The following DHX36 variants were observed in gnomAD, a reference collection of about 807,000 sequenced individuals.
DHX36 encodes ATP-dependent DNA/RNA helicase DHX36.
DHX36 carries 50 observed loss-of-function variants against 139.0 expected under a neutral mutation model. The observed-to-expected ratio is 0.36, with a 90% CI of 0.29 to 0.46. DHX36 has a LOEUF of 0.46. Ranked by LOEUF, DHX36 falls within the 20% of genes least tolerant of loss-of-function variation. The pLI is 1.00. For missense variants in DHX36, 1,024 were observed against 1,211.3 expected (o/e 0.85, Z 2.29); for synonymous variants, 425 against 401.9 (o/e 1.06, Z -0.69).
intron 19 of DHX36, among the ~76,000 whole-genome samples, chr3:154,283,742 A>G (rs966115606): frequency 6.6e-6 from 1 of 152,162 alleles, no homozygotes; most frequent in South Asian, 2.1e-4. Flanking sequence ...GTCACATGAA[A>G]CAGAATGTAG....
At chr3:154,319,598 CAT>C (rs1463181815) in intron 1 of DHX36, among the ~76,000 whole-genome samples, 1 of 152,188 alleles carries the variant, frequency 6.6e-6, no homozygotes, top group Non-Finnish European at 1.5e-5. Flanking sequence ...CAGTTCCTTT[CAT>C]GTCCTCAGGG....
At position 154,299,875 on chromosome 3, in the gene DHX36, T is replaced by C. The variant is rs1428093773; in HGVS notation, c.1512A>G (p.Leu504=). The C allele has an allele frequency of 6.2e-7, 1 of 1,613,608 alleles. No individual in the cohort carries two copies. The highest frequency in any genetic ancestry group is 8.5e-7 in the Non-Finnish European group (1 of 1,179,676). ...TTACTTGTGACATCAAGAGATCATG[T>C]AAAGTGCTGATATTGTCCCAGCCTG... is the stretch of plus-strand genomic sequence containing the variant. ...FLPGWDNIST[L]HDLLMSQVMF... The change falls in exon 12 of 25, where the codon TTA becomes TTG. Residue 504 remains leucine (L), a synonymous_variant. Transcript: ENST00000496811.
chr3:154,303,436 A>T, intron 8 of DHX36, 26 bp from the exon 9 acceptor site: 1 of 1,497,796 alleles, frequency 6.7e-7, no homozygotes, highest in Admixed American at 1.9e-5. Context: ...AAATATAAGC[A>T]TAAATTTGTA....
Position 154,316,031 on chromosome 3 carries a change from T to C in DHX36, c.368+8A>G. Reference sequence around the variant, plus strand: ...GCCTATTCTTTAAAAAAATATTTCTTGTCGTACCCATGATCCTCAGGAGCA... The same window carrying C: ...GCCTATTCTTTAAAAAAATATTTCTCGTCGTACCCATGATCCTCAGGAGCA... On this transcript the variant is annotated splice_region_variant and intron_variant, in intron 2 of 24. Coordinates refer to ENST00000496811, the MANE Select transcript of DHX36 (RefSeq NM_020865.3). 1.2e-6 allele frequency: 2 copies of C among 1,609,670 alleles called. No homozygotes were observed. Among genetic ancestry groups the C allele is most frequent in the South Asian group, 2.2e-5 (2 of 90,084 alleles).
Position 154,324,205 on chromosome 3 carries a change from C to A in DHX36, c.212G>T (p.Gly71Val). The A allele has an allele frequency of 6.2e-7, 1 of 1,613,100 alleles. No homozygotes were observed. The highest frequency in any genetic ancestry group is 1.1e-5 in the South Asian group (1 of 90,906). The change falls in exon 1 of 25, where the codon GGG becomes GTG. Residue 71 changes from glycine (G) to valine (V), a missense_variant. Transcript: ENST00000496811. The part of the protein sequence containing the change: ...EIGMWYAKKQ[G>V]QKNKEAERQE... ...CCTCTCCGCTTCCTTGTTCTTCTGCCCCTGTTTTTTCGCGTACCACATGCC... is the reference window on the plus strand; with the variant it reads ...CCTCTCCGCTTCCTTGTTCTTCTGCACCTGTTTTTTCGCGTACCACATGCC...
At chr3:154,315,990 T>G (rs1461113912) in intron 2 of DHX36, 49 bp downstream of exon 2, 1 of 1,559,754 alleles carries the variant, frequency 6.4e-7, no homozygotes, top group Non-Finnish European at 8.7e-7. Context: ...TTTTTATTAT[T>G]AAAGTGTTAC....
chr3:154,305,087 T>C lies in DHX36; in HGVS notation c.968+7A>G, dbSNP rs1394976086. 1.7e-5 allele frequency: 28 copies of C among 1,611,510 alleles called. No homozygotes were observed. Among genetic ancestry groups the C allele is most frequent in the South Asian group, 4.4e-5 (4 of 90,564 alleles). On this transcript the variant is annotated splice_region_variant and intron_variant, in intron 7 of 24. Transcript: ENST00000496811. ...CACTTATATTTCCTTAATTGAAACA[T>C]ACTCACGGGTCTGACTGGAGCCACT...
Position 154,284,564 on chromosome 3 carries a change from C to G in DHX36, c.2292+19G>C, listed in dbSNP as rs1484749224. ...TTGAATAAACTATCATAATCCAGGA[C>G]AAAATTTTTTTTTTTTACCTCAAAC... On this transcript the variant is annotated intron_variant, in intron 19 of 24. Coordinates refer to ENST00000496811, the MANE Select transcript of DHX36 (RefSeq NM_020865.3). 2.6e-6 allele frequency: 4 copies of G among 1,528,730 alleles called. No homozygotes were observed. The highest frequency in any genetic ancestry group is 1.9e-5 in the Admixed American group (1 of 52,700). The allele number at this position is 1,528,730 out of a possible 1,614,324, so 94.7% of individuals were successfully genotyped here.
At chr3:154,301,206 A>C in intron 9 of DHX36, 79 bp from the exon 10 acceptor site, 1 of 1,384,358 alleles carries the variant, frequency 7.2e-7, no homozygotes, top group African/African-American at 1.4e-5. Flanking sequence ...TTTTATATTT[A>C]GGATTTTCAA....
intron 22 of DHX36, 94 bp downstream of exon 22, chr3:154,280,485 G>T (rs1719296969): frequency 1.3e-5 from 12 of 906,412 alleles, no homozygotes; most frequent in Non-Finnish European, 1.7e-5. Context: ...ATATGAATAA[G>T]AACAAATTTA....
chr3:154,315,429 T>C (rs1336735719), intron 2 of DHX36, 149 bp from the exon 3 acceptor site: 5 of 516,624 alleles, frequency 9.7e-6, no homozygotes, highest in African/African-American at 2.0e-5. Flanking sequence ...ATTATGAAAA[T>C]ATACTTAGAT....
intron 17 of DHX36, among the ~76,000 whole-genome samples, chr3:154,285,399 G>T (rs539190753): frequency 6.6e-6 from 1 of 152,082 alleles, no homozygotes; most frequent in African/African-American, 2.4e-5. Context: ...AAAGAAAAAG[G>T]AACTATCTAA....
chr3:154,309,927 TATTA>T, intron 4 of DHX36, 104 bp from the exon 5 acceptor site: 1 of 901,082 alleles, frequency 1.1e-6, no homozygotes, highest in Non-Finnish European at 1.6e-6. Flanking sequence ...TTAACAAACA[TATTA>T]ATGCTTTCTA....
chr3:154,296,123 T>A (rs1712036385), intron 12 of DHX36, among the ~76,000 whole-genome samples: 1 of 152,162 alleles, frequency 6.6e-6, no homozygotes, highest in Non-Finnish European at 1.5e-5. Context: ...TTAGAGCAAA[T>A]TACTTATTAA....
intron 4 of DHX36, among the ~76,000 whole-genome samples, chr3:154,310,693 G>A (rs1306079544): frequency 2.9e-5 from 4 of 139,586 alleles, no homozygotes; most frequent in East Asian, 4.7e-4. Flanking sequence ...CAGGAGGATC[G>A]CTTGAACCCG....
At chr3:154,281,586 TAGAA>T (rs1026794387) in intron 20 of DHX36, among the ~76,000 whole-genome samples, 45 of 152,196 alleles carry the variant, frequency 3.0e-4, no homozygotes, top group Middle Eastern at 3.4e-3. Context: ...AAAAGTTAAA[TAGAA>T]AGGAAAGTGA....
rs1475566201 is a variant in DHX36 at position 154,317,858 on chromosome 3, T to C, written c.244-1695A>G. Among the ~76,000 whole-genome samples, 54 of 151,872 alleles carry C rather than the reference T, an allele frequency of 3.6e-4. 1 individual carries two copies. Among genetic ancestry groups the C allele is most frequent in the Non-Finnish European group, 2.9e-5 (2 of 67,918 alleles). On this transcript the variant is annotated intron_variant, in intron 1 of 24. Coordinates refer to ENST00000496811, the MANE Select transcript of DHX36 (RefSeq NM_020865.3). ...GTTTATTTTTTATAGCAATCCACAGTAAAACTAATGACCCAGTACACACAT... is the reference window on the plus strand; with the variant it reads ...GTTTATTTTTTATAGCAATCCACAGCAAAACTAATGACCCAGTACACACAT...
At chr3:154,294,359 T>C (rs1373503759) in intron 13 of DHX36, among the ~76,000 whole-genome samples, 1 of 151,954 alleles carries the variant, frequency 6.6e-6, no homozygotes, top group Non-Finnish European at 1.5e-5. Context: ...AGAAAGAAGA[T>C]AGGTAATCAA....
chr3:154,303,620 T>G (rs1712384638), intron 8 of DHX36, among the ~76,000 whole-genome samples: 2 of 152,224 alleles, frequency 1.3e-5, no homozygotes. Flanking sequence ...GCTACCAAAC[T>G]GTACACACAT....
Sources: gnomAD v4.1 joint callset for allele counts (sites outside exome capture counted in the v4.1 genomes callset) on GRCh38, gnomAD v4.1.1 for gene constraint, MANE v1.5 for transcripts, NCBI Gene and HGNC (gene_info 2026-07-23, HGNC 2026-07-21) for gene names.